The following FBN1 variants were observed in gnomAD, a reference collection of about 807,000 sequenced individuals.
FBN1 encodes fibrillin-1.
A neutral mutation model predicts 365.1 loss-of-function variants in FBN1; 29 were observed. That is an observed-to-expected ratio of 0.08 (90% CI 0.06 to 0.11). FBN1 has a LOEUF of 0.11. Ranked by LOEUF, FBN1 falls within the 10% of genes least tolerant of loss-of-function variation. The pLI, the probability that FBN1 is intolerant of heterozygous loss-of-function variation, is 1.00. For missense variants in FBN1, 2,476 were observed against 3,703.2 expected (o/e 0.67, Z 8.60); for synonymous variants, 1,210 against 1,270.5 (o/e 0.95, Z 1.01).
At chr15:48,421,439 G>A in intron 62 of FBN1, 119 bp downstream of exon 62, 1 of 1,229,892 alleles carries the variant, frequency 8.1e-7, no homozygotes. Context: ...TTTTAGCTGA[G>A]TGCCCCCCTG....
At chr15:48,630,635 A>T (rs1889966352) in intron 2 of FBN1, among the ~76,000 whole-genome samples, 1 of 150,452 alleles carries the variant, frequency 6.6e-6, no homozygotes, top group Non-Finnish European at 1.5e-5. Context: ...TTTTTTTCCC[A>T]GGAAGTCGGT....
chr15:48,438,187 T>A (rs2043087765), intron 50 of FBN1, among the ~76,000 whole-genome samples: 1 of 152,146 alleles, frequency 6.6e-6, no homozygotes, highest in African/African-American at 2.4e-5. Context: ...GTGAATCCAA[T>A]AAAATCCAAA....
intron 2 of FBN1, among the ~76,000 whole-genome samples, chr15:48,634,857 C>CCACACACA (rs57811526): frequency 2.9e-4 from 20 of 69,174 alleles, no homozygotes; most frequent in South Asian, 6.7e-4. Context: ...AAAAAAAAAA[C>CCACACACA]CACACACACA....
rs138184493 is a variant in FBN1 at position 48,415,739 on chromosome 15, G to C, written c.7848C>G (p.Ile2616Met). 14 of 1,614,120 alleles carry C rather than the reference G, an allele frequency of 8.7e-6. No individual in the cohort carries two copies. The highest frequency in any genetic ancestry group is 1.2e-5 in the Non-Finnish European group (14 of 1,180,028). Reference protein sequence around the residue: ...VDENECLSAHICGGASCHNTL... With the variant: ...VDENECLSAHMCGGASCHNTL... Reference sequence around the variant, plus strand: ...TGTTGTGACAGGAGGCTCCTCCGCAGATGTGAGCGCTGAGGCATTCGTTTT... The same window carrying C: ...TGTTGTGACAGGAGGCTCCTCCGCACATGTGAGCGCTGAGGCATTCGTTTT... Residue 2616 changes from isoleucine to methionine, a missense_variant, in exon 64 of 66, where the codon ATC (isoleucine) becomes ATG (methionine). This residue lies in a region of FBN1 where 1,780 missense variants were observed against 2,840.8 expected (regional missense o/e 0.63). Transcript: ENST00000316623.
chr15:48,540,742 G>GTA, intron 6 of FBN1, among the ~76,000 whole-genome samples: 1 of 152,230 alleles, frequency 6.6e-6, no homozygotes. Context: ...ACAAGAAAGA[G>GTA]AATTTAGGCT....
chr15:48,446,546 C>A (rs780170982), intron 47 of FBN1, among the ~76,000 whole-genome samples, 160 bp downstream of exon 47: 1 of 152,178 alleles, frequency 6.6e-6, no homozygotes, highest in Non-Finnish European at 1.5e-5. Flanking sequence ...TAATATATTT[C>A]ATGTTGAGCA....
chr15:48,534,558 T>C (rs1238300647), intron 7 of FBN1, among the ~76,000 whole-genome samples: 1 of 152,190 alleles, frequency 6.6e-6, no homozygotes, highest in African/African-American at 2.4e-5. Context: ...CATTTTTATC[T>C]CCAGATTGGT....
At chr15:48,430,903 C>T in intron 55 of FBN1, 101 bp from the exon 56 acceptor site, 1 of 1,114,578 alleles carries the variant, frequency 9.0e-7, no homozygotes. Flanking sequence ...AACCAATTTT[C>T]ATCTGTTATT....
intron 6 of FBN1, among the ~76,000 whole-genome samples, chr15:48,568,049 G>GAAAGAAAGAAAGAAGAAAGA (rs369157930): frequency 0.011 from 426 of 40,042 alleles, 3 homozygotes; most frequent in Middle Eastern, 0.016. Flanking sequence ...AAGAAAGAAA[G>GAAAGAAAGAAAGAAGAAAGA]AAGAAAGAAA....
chr15:48,448,739 G>A (rs2043177860), intron 46 of FBN1, 29 bp downstream of exon 46: 2 of 1,604,772 alleles, frequency 1.2e-6, no homozygotes. Context: ...AACAGCATAT[G>A]AAAAAAATAA....
chr15:48,596,398 C>T lies in FBN1; in HGVS notation c.443-20G>A, dbSNP rs760916332. 4.4e-6 allele frequency: 7 copies of T among 1,605,812 alleles called. No homozygotes were observed. The highest frequency in any genetic ancestry group is 6.0e-6 in the Non-Finnish European group (7 of 1,172,498). ...AAACAGCTGTAAAATAAGGAGAGAGCTGAGACGCTTTACCTGAAAATAAAT... is the reference window on the plus strand; with the variant it reads ...AAACAGCTGTAAAATAAGGAGAGAGTTGAGACGCTTTACCTGAAAATAAAT... On this transcript the variant is annotated intron_variant, in intron 5 of 65. Transcript: ENST00000316623.
intron 6 of FBN1, among the ~76,000 whole-genome samples, chr15:48,541,553 G>T (rs1262579880): frequency 6.6e-6 from 1 of 152,094 alleles, no homozygotes; most frequent in Admixed American, 6.5e-5. Context: ...CCGATTTGGC[G>T]GCATGTGCTT....
intron 34 of FBN1, among the ~76,000 whole-genome samples, chr15:48,474,037 C>G (rs2043398617): frequency 6.6e-6 from 1 of 152,090 alleles, no homozygotes; most frequent in African/African-American, 2.4e-5. Context: ...ATCTATCTAT[C>G]TATCTATCTA....
intron 2 of FBN1, among the ~76,000 whole-genome samples, chr15:48,617,644 A>G (rs1018324796): frequency 6.6e-6 from 1 of 152,184 alleles, no homozygotes; most frequent in African/African-American, 2.4e-5. Context: ...ACCCAACTCC[A>G]AACACCCTGG....
intron 6 of FBN1, among the ~76,000 whole-genome samples, chr15:48,553,291 A>G (rs966267559): frequency 3.9e-5 from 6 of 152,190 alleles, no homozygotes; most frequent in South Asian, 2.1e-4. Context: ...ATTGCTTACC[A>G]TAACAATCAT....
chr15:48,642,238 G>C (rs1482327811), intron 2 of FBN1: 1 of 152,266 alleles, frequency 6.6e-6, no homozygotes, highest in Non-Finnish European at 1.5e-5. Flanking sequence ...AATTAGCCGG[G>C]CTTGGTGGCA....
In FBN1 at chr15:48,604,955, G is replaced by A. The variant is rs564783420; in HGVS notation, c.347-4721C>T. On this transcript the variant is annotated intron_variant, in intron 4 of 65. Transcript: ENST00000316623. ...AAACTCTTGCTCCCAGCTGATTAAA[G>A]CCCCTTCCTAAAACCGGTGTCCGAG... Among the ~76,000 whole-genome samples, 7 of 152,268 alleles carry A rather than the reference G, an allele frequency of 4.6e-5. No individual in the cohort carries two copies. In the South Asian group the frequency reaches 1.2e-3, roughly 27 times the overall value.
intron 63 of FBN1, among the ~76,000 whole-genome samples, chr15:48,417,114 T>G (rs375963486): frequency 6.6e-6 from 1 of 152,224 alleles, no homozygotes; most frequent in African/African-American, 2.4e-5. Context: ...CGCTTTCCTT[T>G]ATACCACAGT....
rs144775475 is a variant in FBN1 at position 48,503,806 on chromosome 15, C to A, written c.2094G>T (p.Pro698=). Residue 698 remains proline (P), a synonymous_variant, in exon 17 of 66, where the codon CCG becomes CCT. Transcript: ENST00000316623. ...ACATACCTGAATTCTGTGCAGGACA[C>A]GGCTGGCAAGGTTCCCCAAATGCAT... The part of the protein sequence containing the change: ...TEYAFGEPCQ[P]CPAQNSAEYQ... 1.1e-4 allele frequency: 185 copies of A among 1,613,846 alleles called. No homozygotes were observed. The highest frequency in any genetic ancestry group is 1.3e-4 in the Admixed American group (8 of 60,000).
Sources: allele counts gnomAD v4.1 joint callset (sites outside exome capture counted in the v4.1 genomes callset), GRCh38; gene constraint gnomAD v4.1.1; regional missense constraint gnomAD v4.1.1; transcripts MANE v1.5; gene names NCBI Gene and HGNC (gene_info 2026-07-23, HGNC 2026-07-21).